The following DAAM2 variants were observed in gnomAD, a reference collection of about 807,000 sequenced individuals.
DAAM2 encodes dishevelled associated activator of morphogenesis 2.
A neutral mutation model predicts 120.7 loss-of-function variants in DAAM2; 39 were observed. The observed-to-expected ratio is 0.32, with a 90% confidence interval of 0.25 to 0.42. The LOEUF (loss-of-function observed/expected upper bound fraction) is 0.42, where lower values mean the gene tolerates loss of function less well. Ranked by LOEUF, DAAM2 falls within the 10% of genes least tolerant of loss-of-function variation. DAAM2 has a pLI of 1.00. For missense variants in DAAM2, 1,283 were observed against 1,401.7 expected, an observed-to-expected ratio of 0.92 and a Z score of 1.35; for synonymous variants, 488 against 524.9, an observed-to-expected ratio of 0.93 and a Z score of 0.96.
chr6:39,879,964 G>A (rs1765048847), intron 14 of DAAM2: 1 of 226,278 alleles, frequency 4.4e-6, no homozygotes, highest in Admixed American at 5.3e-5. Flanking sequence ...TGGACCAGCA[G>A]TGAGAGATCC....
Position 39,878,688 on chromosome 6 carries a change from G to A in DAAM2, c.1545+100G>A. ...TCGGAGAGGCCAAGGACCCCAGCAT[G>A]AGGGAGAAGGGAGATGGAGACCTTG... On this transcript the variant is annotated intron_variant, in intron 13 of 24. Coordinates refer to ENST00000274867, the MANE Select transcript of DAAM2 (RefSeq NM_001201427.2). The surrounding 1 kb of genome is among the most constrained non-coding windows in gnomAD (Gnocchi z 5.0). The A allele has an allele frequency of 1.6e-6, 2 of 1,239,682 alleles. No individual in the cohort carries two copies. Among genetic ancestry groups the A allele is most frequent in the South Asian group, 1.5e-5 (1 of 65,768 alleles). The allele number at this position is 1,239,682 out of a possible 1,614,324, so 76.8% of individuals were successfully genotyped here.
At chr6:39,826,172 G>T (rs1378769306) in intron 1 of DAAM2, among the ~76,000 whole-genome samples, 1 of 152,208 alleles carries the variant, frequency 6.6e-6, no homozygotes, top group African/African-American at 2.4e-5. Flanking sequence ...CATCTTCTCA[G>T]CTTAGGAGAA....
chr6:39,900,486 A>C (rs1766412419), intron 23 of DAAM2, among the ~76,000 whole-genome samples: 1 of 152,196 alleles, frequency 6.6e-6, no homozygotes, highest in South Asian at 2.1e-4. Context: ...CACTTGACAG[A>C]TATGAACGCT....
At chr6:39,815,375 C>G (rs549837578) in intron 1 of DAAM2, among the ~76,000 whole-genome samples, 1 of 152,320 alleles carries the variant, frequency 6.6e-6, no homozygotes, top group Non-Finnish European at 1.5e-5. Flanking sequence ...GATTTCAATT[C>G]TGTCTCTAAG....
Position 39,891,786 on chromosome 6 carries a change from G to A in DAAM2, c.2341+64G>A, listed in dbSNP as rs1765737942. On this transcript the variant is annotated intron_variant, in intron 19 of 24. Coordinates refer to ENST00000274867, the MANE Select transcript of DAAM2 (RefSeq NM_001201427.2). ...TATCTGAGAAAGGCAGGGTGGGTGGGAGCCAGTGAATAGGGGCAGAGGGAA... is the reference window on the plus strand; with the variant it reads ...TATCTGAGAAAGGCAGGGTGGGTGGAAGCCAGTGAATAGGGGCAGAGGGAA... 1.6e-5 allele frequency: 22 copies of A among 1,365,324 alleles called. No individual in the cohort carries two copies. In the South Asian group the frequency reaches 2.7e-4, roughly 17 times the overall value. 84.6% of individuals were successfully genotyped at this position (1,365,324 alleles called of 1,614,324 possible).
intron 1 of DAAM2, among the ~76,000 whole-genome samples, chr6:39,829,521 C>T (rs1762801575): frequency 1.3e-5 from 2 of 152,116 alleles, no homozygotes; most frequent in African/African-American, 4.8e-5. Context: ...TCATTTGGCA[C>T]CAGTTGGAGA....
intron 8 of DAAM2, among the ~76,000 whole-genome samples, chr6:39,871,124 C>A (rs1369186018): frequency 6.6e-6 from 1 of 152,146 alleles, no homozygotes; most frequent in Admixed American, 6.5e-5. Flanking sequence ...TGCCTGCAGA[C>A]ATTACATTCT....
intron 3 of DAAM2, chr6:39,861,267 G>T (rs1764201138): frequency 3.7e-6 from 2 of 534,122 alleles, no homozygotes; most frequent in South Asian, 3.6e-5. Flanking sequence ...ACTGGGGCTT[G>T]CTGGGAGACA....
At chr6:39,822,438 T>C (rs1762521635) in intron 1 of DAAM2, 1 of 152,224 alleles carries the variant, frequency 6.6e-6, no homozygotes, top group Non-Finnish European at 1.5e-5. Context: ...GCTGGGGATT[T>C]ACCAAAATAT....
intron 19 of DAAM2, among the ~76,000 whole-genome samples, chr6:39,894,710 T>TC (rs1765965081): frequency 6.7e-6 from 1 of 148,350 alleles, no homozygotes; most frequent in African/African-American, 2.6e-5. Context: ...AACCTCTGCC[T>TC]CCTGGGCTCA....
At chr6:39,831,050 G>A (rs1762864123) in intron 1 of DAAM2, among the ~76,000 whole-genome samples, 1 of 152,158 alleles carries the variant, frequency 6.6e-6, no homozygotes, top group Admixed American at 6.5e-5. Flanking sequence ...ACTAAGGCAT[G>A]TGGGGAGTTA....
Position 39,891,633 on chromosome 6 carries a change from G to A in DAAM2, c.2253-1G>A. 1 of 1,610,844 alleles carries A rather than the reference G, an allele frequency of 6.2e-7. No individual in the cohort carries two copies. The highest frequency in any genetic ancestry group is 2.2e-5 in the East Asian group (1 of 44,778). On this transcript the variant is annotated splice_acceptor_variant, in intron 18 of 24. Coordinates refer to ENST00000274867, the MANE Select transcript of DAAM2 (RefSeq NM_001201427.2). LOFTEE classifies it high-confidence loss of function. Reference sequence around the variant, plus strand: ...CAAGATATGGTTCACCTTGTCTACAGGATTGACCACTACCAGCAGCGACTG... The same window carrying A: ...CAAGATATGGTTCACCTTGTCTACAAGATTGACCACTACCAGCAGCGACTG...
chr6:39,877,194 C>A (rs561008206), intron 11 of DAAM2, among the ~76,000 whole-genome samples: 6 of 152,338 alleles, frequency 3.9e-5, no homozygotes, highest in African/African-American at 1.4e-4. Flanking sequence ...GTGAAAACTG[C>A]ACCCCAGTTC....
At position 39,856,209 on chromosome 6, in the gene DAAM2, G is replaced by A. The variant is rs1763994807; in HGVS notation, c.-56-38G>A. 1.8e-5 allele frequency: 24 copies of A among 1,346,144 alleles called. 1 individual carries two copies. In the South Asian group the frequency reaches 4.6e-4, roughly 26 times the overall value. 83.4% of individuals were successfully genotyped at this position (1,346,144 alleles called of 1,614,324 possible). On this transcript the variant is annotated intron_variant, in intron 1 of 24. Transcript: ENST00000274867. The stretch of plus-strand genomic sequence containing the variant: ...GACCTCTGCCCTGGCCTATCTGACT[G>A]TATGCCTGACCACCCTGTGTTCTCT...
At chr6:39,806,349 G>T (rs1009192677) in intron 1 of DAAM2, among the ~76,000 whole-genome samples, 1 of 152,138 alleles carries the variant, frequency 6.6e-6, no homozygotes, top group African/African-American at 2.4e-5. Flanking sequence ...TCAATACGTG[G>T]TGCTTCTTGC....
At chr6:39,863,662 G>A (rs1267753651) in intron 3 of DAAM2, among the ~76,000 whole-genome samples, 1 of 152,146 alleles carries the variant, frequency 6.6e-6, no homozygotes, top group African/African-American at 2.4e-5. Context: ...CCATTTGGCT[G>A]GAGAAGGCTG....
chr6:39,852,556 A>C (rs566634633), intron 1 of DAAM2, among the ~76,000 whole-genome samples: 13 of 152,064 alleles, frequency 8.5e-5, no homozygotes, highest in Non-Finnish European at 1.5e-4. Context: ...GGCGAGTCTT[A>C]CCTTGCTGGC....
intron 1 of DAAM2, among the ~76,000 whole-genome samples, chr6:39,806,379 G>A (rs1039573732): frequency 6.6e-6 from 1 of 152,092 alleles, no homozygotes; most frequent in Non-Finnish European, 1.5e-5. Flanking sequence ...ATGGACAAAT[G>A]GTTCCTTTGA....
At chr6:39,843,189 CG>C (rs1763420285) in intron 1 of DAAM2, among the ~76,000 whole-genome samples, 2 of 151,952 alleles carry the variant, frequency 1.3e-5, no homozygotes, top group Non-Finnish European at 2.9e-5. Context: ...AAGAGCACTG[CG>C]GGGGGAGTTG....
Sources: gnomAD v4.1 joint callset for allele counts (sites outside exome capture counted in the v4.1 genomes callset) on GRCh38, gnomAD v4.1.1 for gene constraint, Gnocchi (gnomAD v3.1) non-coding constraint, MANE v1.5 for transcripts, NCBI Gene and HGNC (gene_info 2026-07-23, HGNC 2026-07-21) for gene names.